RAC3: variants seen among roughly 807,000 people sequenced by gnomAD.
RAC3 encodes the protein Rac family small GTPase 3.
A neutral mutation model predicts 19.0 loss-of-function variants in RAC3; 9 were observed. The ratio of observed to expected loss-of-function variants is 0.47; its 90% CI spans 0.29 to 0.83. RAC3 has a LOEUF of 0.83. Among genes scored for constraint, RAC3 ranks in the 40% least tolerant of loss-of-function variants. RAC3 has a pLI of 0.09. For synonymous variants in RAC3, 146 were observed against 111.8 expected, an observed-to-expected ratio of 1.31 and a Z score of -1.93; for missense variants, 203 against 260.8, an observed-to-expected ratio of 0.78 and a Z score of 1.53.
chr17:82,033,856 C>T lies in RAC3; in HGVS notation c.*27C>T, dbSNP rs746823216. On this transcript the variant is annotated 3_prime_UTR_variant, in exon 6 of 6. Coordinates refer to ENST00000306897, the MANE Select transcript of RAC3 (RefSeq NM_005052.3). This position sits in a 1 kb window ranked among gnomAD's most constrained non-coding sequence, Gnocchi z 6.2. ...GCCCTGGCCCACCCGAGCCTGAGGGCTGGCGGGGAGCAGCCCTGGACGTGT... is the reference window on the plus strand; with the variant it reads ...GCCCTGGCCCACCCGAGCCTGAGGGTTGGCGGGGAGCAGCCCTGGACGTGT... The T allele has an allele frequency of 1.9e-6, 3 of 1,571,000 alleles. No homozygotes were observed. Among genetic ancestry groups the T allele is most frequent in the South Asian group, 2.3e-5 (2 of 86,964 alleles).
Position 82,033,608 on chromosome 17 carries a change from G to A in RAC3, c.448+9G>A, listed in dbSNP as rs1171798222. The A allele has an allele frequency of 6.2e-7, 1 of 1,606,342 alleles. No individual in the cohort carries two copies. Among genetic ancestry groups the A allele is most frequent in the Non-Finnish European group, 8.5e-7 (1 of 1,175,474 alleles). ...CATGGCCCGGGAGATTGGTGGGTAG[G>A]CGCTGGCGGCCTGCAGGGGAGGGGT... On this transcript the variant is annotated intron_variant, in intron 5 of 5. Transcript: ENST00000306897. This position sits in a 1 kb window ranked among gnomAD's most constrained non-coding sequence, Gnocchi z 6.2.
chr17:82,032,731 A>G lies in RAC3; in HGVS notation c.128A>G (p.Asn43Ser). 1.9e-6 allele frequency: 3 copies of G among 1,613,074 alleles called. No individual in the cohort carries two copies. Among genetic ancestry groups the G allele is most frequent in the Non-Finnish European group, 1.7e-6 (2 of 1,179,982 alleles). The change falls in exon 3 of 6, where the codon AAC (asparagine) becomes AGC (serine). Residue 43 changes from asparagine to serine, a missense_variant. Physicochemically the swap from Asn to Ser is conservative, Grantham distance 46. This residue lies in a region of RAC3 where 49 missense variants were observed against 67.4 expected (regional missense o/e 0.73). Coordinates refer to ENST00000306897, the MANE Select transcript of RAC3 (RefSeq NM_005052.3). The stretch of plus-strand genomic sequence containing the variant: ...TGCAGTTTTGACAACTACTCTGCCA[A>G]CGTGATGGTGGACGGGAAACCAGTC... ...IPTVFDNYSA[N>S]VMVDGKPVNL... is the part of the protein sequence containing the mutation.
Position 82,033,703 on chromosome 17 carries a change from T to A in RAC3, c.453T>A (p.Ser151=). ...TCCCCTCCTCACTGCCGCTAGGCTCTGTGAAATACCTGGAGTGCTCAGCCC... is the reference window on the plus strand; with the variant it reads ...TCCCCTCCTCACTGCCGCTAGGCTCAGTGAAATACCTGGAGTGCTCAGCCC... The part of the protein sequence containing the change: ...QGLAMAREIG[S]VKYLECSALT... Residue 151 remains serine, a synonymous_variant, in exon 6 of 6, where the codon TCT becomes TCA. Transcript: ENST00000306897. This position sits in a 1 kb window ranked among gnomAD's most constrained non-coding sequence, Gnocchi z 6.2. 1 of 1,612,432 alleles carries A rather than the reference T, an allele frequency of 6.2e-7. No individual in the cohort carries two copies. Among genetic ancestry groups the A allele is most frequent in the South Asian group, 1.1e-5 (1 of 91,056 alleles).
chr17:82,033,994 C>G lies in RAC3; in HGVS notation c.*165C>G. On this transcript the variant is annotated 3_prime_UTR_variant, in exon 6 of 6. Transcript: ENST00000306897. The surrounding 1 kb of genome is among the most constrained non-coding windows in gnomAD (Gnocchi z 6.2). ...GGGTGGCAGGATCCTGTCCTCTCTGCCGCCTCATTCTGGGGTGTGGCTCCA... is the reference window on the plus strand; with the variant it reads ...GGGTGGCAGGATCCTGTCCTCTCTGGCGCCTCATTCTGGGGTGTGGCTCCA... 1 of 928,364 alleles carries G rather than the reference C, an allele frequency of 1.1e-6. No homozygotes were observed. Among genetic ancestry groups the G allele is most frequent in the East Asian group, 2.8e-5 (1 of 35,438 alleles). 57.5% of individuals were successfully genotyped at this position (928,364 alleles called of 1,614,324 possible). A position where few individuals can be genotyped will look rare whatever the true frequency, so the allele number is the denominator to read the frequency against.
chr17:82,031,918 C>T (rs2043433793), intron 1 of RAC3, 122 bp downstream of exon 1: 1 of 407,656 alleles, frequency 2.5e-6, no homozygotes. Flanking sequence ...CCCCGCCGTA[C>T]CCCGCCCGAG....
Position 82,033,314 on chromosome 17 carries a change from C to T in RAC3, c.289-126C>T. ...CCACCAAATCCGCCCCTGGTCACCC[C>T]TTGAAGGAAGAAGAGCCAAGTGTAG... On this transcript the variant is annotated intron_variant, in intron 4 of 5. Coordinates refer to ENST00000306897, the MANE Select transcript of RAC3 (RefSeq NM_005052.3). This position sits in a 1 kb window ranked among gnomAD's most constrained non-coding sequence, Gnocchi z 6.2. 2 of 1,204,744 alleles carry T rather than the reference C, an allele frequency of 1.7e-6. No homozygotes were observed. The highest frequency in any genetic ancestry group is 2.3e-6 in the Non-Finnish European group (2 of 886,966). The allele number at this position is 1,204,744 out of a possible 1,614,324, so 74.6% of individuals were successfully genotyped here. A position where few individuals can be genotyped will look rare whatever the true frequency, so the allele number is the denominator to read the frequency against.
chr17:82,032,495 C>T (rs953239030), intron 2 of RAC3, 37 bp downstream of exon 2: 9 of 1,605,568 alleles, frequency 5.6e-6, no homozygotes, highest in Middle Eastern at 1.7e-4. Flanking sequence ...CACAGGCCCT[C>T]CGTGTGAGTG....
Position 82,031,779 on chromosome 17 carries a change from C to A in RAC3, c.18C>A (p.Cys6Ter). MQAIK[C>*]VVVGDGAVGK... is the part of the protein sequence containing the mutation. Reference sequence around the variant, plus strand: ...CCGCGCCCATGCAGGCCATCAAGTGCGTGGTGGTCGGCGACGGGTGAGTGC... The same window carrying A: ...CCGCGCCCATGCAGGCCATCAAGTGAGTGGTGGTCGGCGACGGGTGAGTGC... Residue 6 changes from cysteine to a stop codon, truncating the protein, a stop_gained, in exon 1 of 6, where the codon TGC (cysteine) becomes TGA (stop). Transcript: ENST00000306897. LOFTEE classifies it high-confidence loss of function. 1.0e-6 allele frequency: 1 copy of A among 984,596 alleles called. No individual in the cohort carries two copies. Among genetic ancestry groups the A allele is most frequent in the Non-Finnish European group, 1.2e-6 (1 of 832,128 alleles). 61.0% of individuals were successfully genotyped at this position (984,596 alleles called of 1,614,324 possible).
chr17:82,032,428 A>G lies in RAC3; in HGVS notation c.77A>G (p.Asn26Ser), dbSNP rs756151814. The G allele has an allele frequency of 1.2e-6, 2 of 1,612,854 alleles. No homozygotes were observed. Among genetic ancestry groups the G allele is most frequent in the South Asian group, 1.1e-5 (1 of 91,084 alleles). ...KTCLLISYTT[N>S]AFPGEYIPTV... is the part of the protein sequence containing the mutation. ...TGCTTGCTGATCAGCTACACGACCA[A>G]CGCCTTCCCCGGAGAGTACATCCCC... Residue 26 changes from asparagine (N) to serine (S), a missense_variant, in exon 2 of 6, where the codon AAC becomes AGC. Asn to Ser is a conservative substitution (Grantham distance 46). Transcript: ENST00000306897.
chr17:82,033,485 C>T lies in RAC3; in HGVS notation c.334C>T (p.Leu112=), dbSNP rs1407372390. Residue 112 remains leucine, a synonymous_variant, in exon 5 of 6, where the codon CTG becomes TTG. Transcript: ENST00000306897. The surrounding 1 kb of genome is among the most constrained non-coding windows in gnomAD (Gnocchi z 6.2). ...CCACTGCCCCCACACGCCCATCCTC[C>T]TGGTGGGCACCAAGCTGGACCTCCG... is the stretch of plus-strand genomic sequence containing the variant. ...RHHCPHTPIL[L]VGTKLDLRDD... is the part of the protein sequence containing the mutation. 6.2e-7 allele frequency: 1 copy of T among 1,612,456 alleles called. No individual in the cohort carries two copies. Among genetic ancestry groups the T allele is most frequent in the Non-Finnish European group, 8.5e-7 (1 of 1,179,688 alleles).
At position 82,033,713 on chromosome 17, in the gene RAC3, C is replaced by T. The variant is rs1237283648; in HGVS notation, c.463C>T (p.Leu155=). The T allele has an allele frequency of 1.2e-5, 19 of 1,612,744 alleles. No homozygotes were observed. The highest frequency in any genetic ancestry group is 2.7e-5 in the African/African-American group (2 of 74,900). ...MAREIGSVKY[L]ECSALTQRGL... ...ACTGCCGCTAGGCTCTGTGAAATAC[C>T]TGGAGTGCTCAGCCCTGACCCAGCG... is the stretch of plus-strand genomic sequence containing the variant. Residue 155 remains leucine, a synonymous_variant, in exon 6 of 6, where the codon CTG becomes TTG. Coordinates refer to ENST00000306897, the MANE Select transcript of RAC3 (RefSeq NM_005052.3). The surrounding 1 kb of genome is among the most constrained non-coding windows in gnomAD (Gnocchi z 6.2).
chr17:82,033,008 A>C lies in RAC3; in HGVS notation c.287A>C (p.Lys96Thr). ...GCCTCCTTCGAGAATGTTCGTGCCA[A>C]GGTAGGGCAAGGCTGGGGGCCCCTG... is the stretch of plus-strand genomic sequence containing the variant. The part of the protein sequence containing the change: ...SPASFENVRA[K>T]WYPEVRHHCP... The change falls in exon 4 of 6, where the codon AAG (lysine) becomes ACG (threonine). Residue 96 changes from lysine (K) to threonine (T), a missense_variant and splice_region_variant. Physicochemically the swap from Lys to Thr is moderately conservative, Grantham distance 78. This residue lies in a region of RAC3 where 142 missense variants were observed against 158.2 expected (regional missense o/e 0.90). Coordinates refer to ENST00000306897, the MANE Select transcript of RAC3 (RefSeq NM_005052.3). This position sits in a 1 kb window ranked among gnomAD's most constrained non-coding sequence, Gnocchi z 6.2. The C allele has an allele frequency of 1.2e-6, 2 of 1,613,046 alleles. No individual in the cohort carries two copies. Among genetic ancestry groups the C allele is most frequent in the Non-Finnish European group, 1.7e-6 (2 of 1,179,730 alleles).
Position 82,033,033 on chromosome 17 carries a change from G to T in RAC3, c.288+24G>T. The T allele has an allele frequency of 6.2e-7, 1 of 1,602,944 alleles. No homozygotes were observed. Among genetic ancestry groups the T allele is most frequent in the South Asian group, 1.1e-5 (1 of 90,836 alleles). On this transcript the variant is annotated intron_variant, in intron 4 of 5. Coordinates refer to ENST00000306897, the MANE Select transcript of RAC3 (RefSeq NM_005052.3). This position sits in a 1 kb window ranked among gnomAD's most constrained non-coding sequence, Gnocchi z 6.2. Reference sequence around the variant, plus strand: ...AGGTAGGGCAAGGCTGGGGGCCCCTGTGGGGAGAGGGCTTGCCCCAGTACC... The same window carrying T: ...AGGTAGGGCAAGGCTGGGGGCCCCTTTGGGGAGAGGGCTTGCCCCAGTACC...
Position 82,032,378 on chromosome 17 carries a change from T to C in RAC3, c.36-9T>C. 1 of 1,612,184 alleles carries C rather than the reference T, an allele frequency of 6.2e-7. No homozygotes were observed. Among genetic ancestry groups the C allele is most frequent in the Non-Finnish European group, 8.5e-7 (1 of 1,179,724 alleles). ...GGCCCGGGAGCCACGTGGCTTGCCC[T>C]GTCCGCAGCGCCGTGGGGAAGACAT... On this transcript the variant is annotated splice_polypyrimidine_tract_variant and intron_variant, in intron 1 of 5. Transcript: ENST00000306897.
chr17:82,031,741 G>A lies in RAC3; in HGVS notation c.-21G>A, dbSNP rs2043431018. On this transcript the variant is annotated 5_prime_UTR_variant, in exon 1 of 6. Transcript: ENST00000306897. Reference sequence around the variant, plus strand: ...CGCAGCTCGGCTCGCGGCCGCGCCCGCCGCCGCCCGGCCCGCGCCCATGCA... The same window carrying A: ...CGCAGCTCGGCTCGCGGCCGCGCCCACCGCCGCCCGGCCCGCGCCCATGCA... The A allele has an allele frequency of 4.0e-6, 4 of 989,272 alleles. No individual in the cohort carries two copies. Among genetic ancestry groups the A allele is most frequent in the East Asian group, 1.1e-4 (1 of 8,966 alleles). The allele number at this position is 989,272 out of a possible 1,614,324, so 61.3% of individuals were successfully genotyped here.
intron 1 of RAC3, 102 bp from the exon 2 acceptor site, chr17:82,032,285 G>A (rs1598458628): frequency 8.7e-7 from 1 of 1,142,870 alleles, no homozygotes; most frequent in Non-Finnish European, 1.3e-6. Context: ...CTCGACCCCA[G>A]ACGCCCCTAA....
Position 82,033,860 on chromosome 17 carries a change from C to T in RAC3, c.*31C>T, listed in dbSNP as rs377700246. 8.2e-5 allele frequency: 127 copies of T among 1,556,126 alleles called. No individual in the cohort carries two copies. The African/African-American group carries it at 1.1e-3, about 13-fold the overall frequency. On this transcript the variant is annotated 3_prime_UTR_variant, in exon 6 of 6. Transcript: ENST00000306897. The surrounding 1 kb of genome is among the most constrained non-coding windows in gnomAD (Gnocchi z 6.2). ...TGGCCCACCCGAGCCTGAGGGCTGG[C>T]GGGGAGCAGCCCTGGACGTGTCCGC...
chr17:82,031,811 C>T lies in RAC3; in HGVS notation c.35+15C>T. ...GTCGGCGACGGGTGAGTGCGCGGCC[C>T]GGAGGCCGCTTGGCTGGGCTGGGCG... On this transcript the variant is annotated intron_variant, in intron 1 of 5. Coordinates refer to ENST00000306897, the MANE Select transcript of RAC3 (RefSeq NM_005052.3). The T allele has an allele frequency of 2.3e-6, 1 of 426,782 alleles. No individual in the cohort carries two copies. The highest frequency in any genetic ancestry group is 3.1e-6 in the Non-Finnish European group (1 of 325,290). 26.4% of individuals were successfully genotyped at this position (426,782 alleles called of 1,614,324 possible).
intron 2 of RAC3, 74 bp downstream of exon 2, chr17:82,032,532 C>T: frequency 1.9e-6 from 3 of 1,542,294 alleles, no homozygotes; most frequent in Non-Finnish European, 2.7e-6. Flanking sequence ...CGGGCAGGGT[C>T]TCCTCTGGGC....
Sources: gnomAD v4.1 joint callset for allele counts on GRCh38, gnomAD v4.1.1 for gene constraint, gnomAD v4.1.1 regional missense constraint, Gnocchi (gnomAD v3.1) non-coding constraint, MANE v1.5 for transcripts, NCBI Gene and HGNC (gene_info 2026-07-23, HGNC 2026-07-21) for gene names.